Variants in GREB1 observed in about 807,000 individuals in gnomAD.
GREB1 encodes growth regulating estrogen receptor binding 1.
In GREB1, 106 loss-of-function variants were observed where a neutral mutation model predicts 200.7. The ratio of observed to expected loss-of-function variants is 0.53; its 90% CI spans 0.45 to 0.62. The LOEUF is 0.62. Ranked by LOEUF, GREB1 falls within the 20% of genes least tolerant of loss-of-function variation. GREB1 has a pLI of 0.00. For missense variants in GREB1, 2,243 were observed against 2,556.8 expected, an observed-to-expected ratio of 0.88 and a Z score of 2.65; for synonymous variants, 1,132 against 1,092.4, an observed-to-expected ratio of 1.04 and a Z score of -0.72.
rs771197682 is a variant in GREB1, at chr2:11,585,148, G to A, written c.902-13G>A. 2.7e-6 allele frequency: 4 copies of A among 1,487,378 alleles called. No individual in the cohort carries two copies. The East Asian group carries it at 7.1e-5, about 26-fold the overall frequency. The allele number at this position is 1,487,378 out of a possible 1,614,324, so 92.1% of individuals were successfully genotyped here. A position where few individuals can be genotyped will look rare whatever the true frequency, so the allele number is the denominator to read the frequency against. On this transcript the variant is annotated splice_polypyrimidine_tract_variant and intron_variant, in intron 7 of 32. Coordinates refer to ENST00000381486, the MANE Select transcript of GREB1 (RefSeq NM_014668.4). ...CTGGTGATAGCCTAATCCACACTCT[G>A]AATATTGTCTAGGTATCTTGTCAAA...
chr2:11,599,062 T>A (rs114693577), intron 15 of GREB1, among the ~76,000 whole-genome samples: 2,166 of 152,264 alleles, frequency 0.014, 50 homozygotes, highest in African/African-American at 0.05. Context: ...CCTCTGAAAT[T>A]TACCATGGTG....
At chr2:11,494,714 T>C (rs984471041) in intron 1 of GREB1, among the ~76,000 whole-genome samples, 4 of 152,186 alleles carry the variant, frequency 2.6e-5, no homozygotes, top group Admixed American at 6.5e-5. Context: ...AAATCCAAGC[T>C]CAGTGACACT....
chr2:11,482,982 G>A (rs1672542267), intron 1 of GREB1, among the ~76,000 whole-genome samples: 1 of 151,330 alleles, frequency 6.6e-6, no homozygotes, highest in African/African-American at 2.4e-5. Context: ...GGTCCCTCCG[G>A]GCGGCAGCGG....
At chr2:11,591,974 C>G in intron 10 of GREB1, 1 of 982,230 alleles carries the variant, frequency 1.0e-6, no homozygotes. Context: ...AGTTTTAATA[C>G]TAATTCCAGC....
At chr2:11,636,091 T>A (rs1271784843) in intron 30 of GREB1, among the ~76,000 whole-genome samples, 1 of 152,206 alleles carries the variant, frequency 6.6e-6, no homozygotes, top group Non-Finnish European at 1.5e-5. Flanking sequence ...GTGGGCTGGG[T>A]CTGAATTGGG....
At chr2:11,595,515 G>T in intron 12 of GREB1, 136 bp downstream of exon 12, 1 of 785,882 alleles carries the variant, frequency 1.3e-6, no homozygotes. Flanking sequence ...CTCATTCTGT[G>T]CACTTGCACT....
chr2:11,489,769 C>T (rs148779018), intron 1 of GREB1, among the ~76,000 whole-genome samples: 126 of 152,098 alleles, frequency 8.3e-4, no homozygotes, highest in African/African-American at 3.0e-3. Flanking sequence ...GACAATCTAC[C>T]ATGTAAAAGT....
At chr2:11,606,058 TATACAC>T (rs1442125754) in intron 17 of GREB1, among the ~76,000 whole-genome samples, 2 of 152,162 alleles carry the variant, frequency 1.3e-5, no homozygotes, top group Non-Finnish European at 2.9e-5. Context: ...TGTCCCTTGG[TATACAC>T]GGGGGGTTAA....
chr2:11,556,345 T>C (rs1341802554), intron 1 of GREB1, 109 bp from the exon 2 acceptor site: 2 of 264,730 alleles, frequency 7.6e-6, no homozygotes, highest in Non-Finnish European at 1.4e-5. Flanking sequence ...AACCTGGGGA[T>C]GGCAAAAGAG....
intron 4 of GREB1, among the ~76,000 whole-genome samples, chr2:11,567,534 T>G (rs1677796677): frequency 6.6e-6 from 1 of 152,220 alleles, no homozygotes; most frequent in Non-Finnish European, 1.5e-5. Flanking sequence ...CAAGTCTTCC[T>G]GGCTCCAGAT....
At chr2:11,587,996 C>T (rs544603461) in intron 9 of GREB1, 15 of 920,450 alleles carry the variant, frequency 1.6e-5, no homozygotes, top group African/African-American at 1.8e-5. Context: ...GAGGCCGAGG[C>T]GGGTAGATCA....
intron 17 of GREB1, among the ~76,000 whole-genome samples, chr2:11,604,390 C>T (rs1414894476): frequency 6.6e-6 from 1 of 152,194 alleles, no homozygotes; most frequent in Admixed American, 6.5e-5. Flanking sequence ...TGGATTCATA[C>T]ACCTAAAGCT....
chr2:11,631,919 A>G lies in GREB1; in HGVS notation c.4622A>G (p.Tyr1541Cys). The G allele has an allele frequency of 6.2e-7, 1 of 1,613,178 alleles. No homozygotes were observed. Among genetic ancestry groups the G allele is most frequent in the Non-Finnish European group, 8.5e-7 (1 of 1,179,284 alleles). ...LPLVTDKSHE[Y>C]IKSPTFTPTT... ...ACCTGTACTTTGCAGAGCCATGAATATATAAAAAGTCCGACATTCACTCCA... is the reference window on the plus strand; with the variant it reads ...ACCTGTACTTTGCAGAGCCATGAATGTATAAAAAGTCCGACATTCACTCCA... Residue 1541 changes from tyrosine to cysteine, a missense_variant, in exon 27 of 33, where the codon TAT becomes TGT. By Grantham distance (194) the Tyr-to-Cys change is radical. Coordinates refer to ENST00000381486, the MANE Select transcript of GREB1 (RefSeq NM_014668.4).
chr2:11,607,685 GAAAA>G, intron 17 of GREB1, among the ~76,000 whole-genome samples: 1 of 145,758 alleles, frequency 6.9e-6, no homozygotes, highest in East Asian at 2.1e-4. Context: ...ATTCCTAAGA[GAAAA>G]AAGACAATTT....
intron 1 of GREB1, chr2:11,542,873 T>TCTAACAG (rs888829178): frequency 2.0e-5 from 3 of 152,560 alleles, no homozygotes; most frequent in Non-Finnish European, 4.4e-5. Context: ...TTTCTGGAAT[T>TCTAACAG]CTAACAGCGG....
At chr2:11,551,536 GT>G (rs1459135334) in intron 1 of GREB1, among the ~76,000 whole-genome samples, 3 of 152,312 alleles carry the variant, frequency 2.0e-5, no homozygotes, top group Non-Finnish European at 2.9e-5. Flanking sequence ...CCTTGGGTTT[GT>G]TTTTGTTATT....
At chr2:11,576,603 G>A in intron 5 of GREB1, 68 bp downstream of exon 5, 2 of 1,245,488 alleles carry the variant, frequency 1.6e-6, no homozygotes, top group South Asian at 1.3e-5. Flanking sequence ...GTGCCTGTCG[G>A]TGTGATGCTG....
chr2:11,534,567 T>C (rs2148497296), intron 1 of GREB1, among the ~76,000 whole-genome samples: 1 of 152,232 alleles, frequency 6.6e-6, no homozygotes, highest in Admixed American at 6.5e-5. Flanking sequence ...TCTGCACAGC[T>C]CTTCAGTTTA....
chr2:11,503,589 C>T (rs1673103842), intron 1 of GREB1, among the ~76,000 whole-genome samples: 1 of 152,160 alleles, frequency 6.6e-6, no homozygotes, highest in Non-Finnish European at 1.5e-5. Flanking sequence ...TGCCAAATTG[C>T]TCGCTAGCGT....
Sources: gnomAD v4.1 joint callset for allele counts (sites outside exome capture counted in the v4.1 genomes callset) on GRCh38, gnomAD v4.1.1 for gene constraint, MANE v1.5 for transcripts, NCBI Gene and HGNC (gene_info 2026-07-23, HGNC 2026-07-21) for gene names.